Variants in KCNN3 observed in about 807,000 individuals in gnomAD.
KCNN3 encodes small conductance calcium-activated potassium channel protein 3.
KCNN3 carries 16 observed loss-of-function variants against 62.9 expected under a neutral mutation model. The observed-to-expected ratio is 0.25, with a 90% CI of 0.17 to 0.39. KCNN3 has a LOEUF of 0.39. Among genes scored for constraint, KCNN3 ranks in the 10% least tolerant of loss-of-function variants. The pLI is 1.00. For synonymous variants in KCNN3, 370 were observed against 389.2 expected, an observed-to-expected ratio of 0.95 and a Z score of 0.58; for missense variants, 599 against 949.4, an observed-to-expected ratio of 0.63 and a Z score of 4.85.
At chr1:154,820,357 G>A (rs1650839603) in intron 2 of KCNN3, among the ~76,000 whole-genome samples, 1 of 152,230 alleles carries the variant, frequency 6.6e-6, no homozygotes, top group Non-Finnish European at 1.5e-5. Context: ...CAAAGTGTGG[G>A]GTTGAGGCTG....
At chr1:154,737,315 G>A (rs1700732124) in intron 3 of KCNN3, among the ~76,000 whole-genome samples, 1 of 152,096 alleles carries the variant, frequency 6.6e-6, no homozygotes, top group Non-Finnish European at 1.5e-5. Flanking sequence ...ATCTTTCAGG[G>A]TGTGGACTAT....
intron 1 of KCNN3, among the ~76,000 whole-genome samples, chr1:154,830,498 C>T (rs1377849854): frequency 2.0e-5 from 3 of 152,234 alleles, no homozygotes; most frequent in Non-Finnish European, 4.4e-5. Flanking sequence ...AGATGGTGAA[C>T]AGACTGAGCT....
At chr1:154,757,910 G>A (rs1287230547) in intron 3 of KCNN3, among the ~76,000 whole-genome samples, 6 of 152,146 alleles carry the variant, frequency 3.9e-5, no homozygotes, top group African/African-American at 7.2e-5. Flanking sequence ...TGTGCTAAAT[G>A]TTCTACACTG....
intron 1 of KCNN3, among the ~76,000 whole-genome samples, chr1:154,860,795 A>AAGGCAAC (rs2101933742): frequency 6.6e-6 from 1 of 152,166 alleles, no homozygotes; most frequent in Non-Finnish European, 1.5e-5. Context: ...CACTCTAATA[A>AAGGCAAC]AGGCAACAGT....
chr1:154,726,805 T>C (rs1389929517), intron 4 of KCNN3, among the ~76,000 whole-genome samples: 1 of 152,116 alleles, frequency 6.6e-6, no homozygotes, highest in Non-Finnish European at 1.5e-5. Context: ...ACCCTTGGGA[T>C]TTTCTGGAAC....
At chr1:154,867,356 G>C (rs1425810272) in intron 1 of KCNN3, among the ~76,000 whole-genome samples, 1 of 152,210 alleles carries the variant, frequency 6.6e-6, no homozygotes, top group Non-Finnish European at 1.5e-5. Flanking sequence ...TCGCTGAGAC[G>C]CTCATCCTTG....
chr1:154,854,599 AT>A (rs1652442266), intron 1 of KCNN3, among the ~76,000 whole-genome samples: 1 of 152,114 alleles, frequency 6.6e-6, no homozygotes, highest in Admixed American at 6.5e-5. Flanking sequence ...GACAGCAAAG[AT>A]TTTTCTCTTT....
At chr1:154,745,115 G>C (rs1409097340) in intron 3 of KCNN3, among the ~76,000 whole-genome samples, 1 of 152,158 alleles carries the variant, frequency 6.6e-6, no homozygotes, top group African/African-American at 2.4e-5. Flanking sequence ...TATTTTTCAA[G>C]AGTTGGCTTT....
intron 3 of KCNN3, among the ~76,000 whole-genome samples, chr1:154,737,305 A>T (rs1416456626): frequency 6.6e-6 from 1 of 152,024 alleles, no homozygotes; most frequent in Non-Finnish European, 1.5e-5. Context: ...TTACTGATTT[A>T]TCTTTCAGGG....
At chr1:154,744,941 A>AAAAAAT (rs1700908274) in intron 3 of KCNN3, among the ~76,000 whole-genome samples, 1 of 147,696 alleles carries the variant, frequency 6.8e-6, no homozygotes, top group African/African-American at 2.5e-5. Context: ...AAAAAAAAAA[A>AAAAAAT]TAGTTCGTTC....
At chr1:154,816,536 A>G (rs1650673665) in intron 2 of KCNN3, among the ~76,000 whole-genome samples, 1 of 152,148 alleles carries the variant, frequency 6.6e-6, no homozygotes, top group South Asian at 2.1e-4. Context: ...TTTATTAAGG[A>G]TGCCAGGCTC....
In KCNN3 at chr1:154,705,640, T is replaced by C. The variant is rs1463240777; in HGVS notation, c.*2336A>G. The stretch of plus-strand genomic sequence containing the variant: ...ATAAATCACAGTCTGTGCACACTTT[T>C]GGCCAGGAAGAGTGGCAGTGGAATC... On this transcript the variant is annotated 3_prime_UTR_variant, in exon 8 of 8. Coordinates refer to ENST00000271915, the MANE Select transcript of KCNN3 (RefSeq NM_002249.6). 3 of 152,334 alleles carry C rather than the reference T, an allele frequency of 2.0e-5. No homozygotes were observed. The highest frequency in any genetic ancestry group is 7.2e-5 in the African/African-American group (3 of 41,564). The allele number at this position is 152,334 out of a possible 1,614,324, so 9.4% of individuals were successfully genotyped here.
intron 3 of KCNN3, among the ~76,000 whole-genome samples, chr1:154,738,926 T>C (rs188898181): frequency 1.3e-5 from 2 of 152,334 alleles, no homozygotes; most frequent in East Asian, 3.9e-4. Context: ...TGATTACTGC[T>C]TTAACCAAAA....
At chr1:154,755,815 C>G (rs1313528234) in intron 3 of KCNN3, among the ~76,000 whole-genome samples, 7 of 81,420 alleles carry the variant, frequency 8.6e-5, no homozygotes, top group Non-Finnish European at 1.2e-4. Flanking sequence ...AAGAAGAAGG[C>G]AAAGAAGAAG....
chr1:154,856,472 G>A (rs1030655329), intron 1 of KCNN3, among the ~76,000 whole-genome samples: 4 of 152,088 alleles, frequency 2.6e-5, no homozygotes, highest in African/African-American at 9.7e-5. Flanking sequence ...CGACCTTCCC[G>A]CAGATGGCCA....
chr1:154,780,918 T>C (rs915721266), intron 2 of KCNN3, among the ~76,000 whole-genome samples: 28 of 152,302 alleles, frequency 1.8e-4, no homozygotes, highest in African/African-American at 5.8e-4. Flanking sequence ...GGGAAGTCTA[T>C]GATTCTACCA....
At chr1:154,827,764 A>C (rs1651198251) in intron 1 of KCNN3, among the ~76,000 whole-genome samples, 1 of 152,024 alleles carries the variant, frequency 6.6e-6, no homozygotes, top group African/African-American at 2.4e-5. Context: ...ACACCACTGC[A>C]CTCCAGCCTG....
intron 5 of KCNN3, among the ~76,000 whole-genome samples, chr1:154,721,362 C>T (rs570699220): frequency 4.2e-4 from 63 of 149,318 alleles, no homozygotes; most frequent in African/African-American, 1.3e-3. Flanking sequence ...TGCAGTGGCA[C>T]GATCTCAGCT....
chr1:154,749,845 T>C (rs568294409), intron 3 of KCNN3, among the ~76,000 whole-genome samples: 41 of 152,044 alleles, frequency 2.7e-4, no homozygotes, highest in Non-Finnish European at 4.9e-4. Context: ...CCCACGGCCG[T>C]GGGGCTTGGG....
Sources: gnomAD v4.1 joint callset for allele counts (sites outside exome capture counted in the v4.1 genomes callset) on GRCh38, gnomAD v4.1.1 for gene constraint, MANE v1.5 for transcripts, NCBI Gene and HGNC (gene_info 2026-07-23, HGNC 2026-07-21) for gene names.